Variants in FRAS1 observed in about 807,000 individuals in gnomAD.
The protein encoded by FRAS1 is Fraser extracellular matrix complex subunit 1.
A neutral mutation model predicts 435.2 loss-of-function variants in FRAS1; 290 were observed. That is an observed-to-expected ratio of 0.67 (90% CI 0.61 to 0.73). The LOEUF is 0.73. Among genes scored for constraint, FRAS1 ranks in the 30% least tolerant of loss-of-function variants. The probability of loss-of-function intolerance (pLI) is 0.00; values close to 1 mark genes in which losing one functional copy is unlikely to be tolerated. For missense variants in FRAS1, 4,860 were observed against 5,001.5 expected (o/e 0.97, Z 0.85); for synonymous variants, 1,800 against 1,851.0 (o/e 0.97, Z 0.71).
intron 14 of FRAS1, among the ~76,000 whole-genome samples, chr4:78,291,020 C>T (rs948233776): frequency 1.3e-5 from 2 of 152,156 alleles, no homozygotes; most frequent in African/African-American, 4.8e-5. Flanking sequence ...CCCGCCTTGG[C>T]CTCCCAAAGT....
intron 29 of FRAS1, among the ~76,000 whole-genome samples, chr4:78,392,459 G>A (rs775386863): frequency 1.8e-4 from 28 of 151,978 alleles, no homozygotes; most frequent in Non-Finnish European, 3.5e-4. Flanking sequence ...CTTTAATTTT[G>A]GGGGGAAGTT....
In FRAS1 at chr4:78,507,469, G is replaced by A. The variant is rs1428477471; in HGVS notation, c.9365G>A (p.Arg3122Gln). The change falls in exon 62 of 74, where the codon CGG becomes CAG. Residue 3122 changes from arginine to glutamine, a missense_variant. Physicochemically the swap from Arg to Gln is conservative, Grantham distance 43 (BLOSUM62 1). Transcript: ENST00000512123. The stretch of plus-strand genomic sequence containing the variant: ...GTTGAGATCCTGTCCAATGAAGACC[G>A]GGAATGGCATGAATCTTTCTCACTA... ...FKVEILSNED[R>Q]EWHESFSLVL... 1.7e-5 allele frequency: 27 copies of A among 1,612,320 alleles called. No individual in the cohort carries two copies. Among genetic ancestry groups the A allele is most frequent in the South Asian group, 4.4e-5 (4 of 90,628 alleles).
rs1215168444 is a variant in FRAS1 at position 78,231,047 on chromosome 4, C to T, written c.109-6463C>T. Among the ~76,000 whole-genome samples the T allele has an allele frequency of 5.3e-5, 8 of 152,232 alleles. No individual in the cohort carries two copies. In the East Asian group the frequency reaches 5.8e-4, roughly 11 times the overall value. ...TCGGCTCACTGCAACCTCCGCCTCC[C>T]GGGTTCAAACGATTCTCCTGCCTCA... On this transcript the variant is annotated intron_variant, in intron 2 of 73. Coordinates refer to ENST00000512123, the MANE Select transcript of FRAS1 (RefSeq NM_025074.7).
At position 78,373,207 on chromosome 4, in the gene FRAS1, C is replaced by A. The variant is rs182062881; in HGVS notation, c.3010+349C>A. Among the ~76,000 whole-genome samples the A allele has an allele frequency of 2.2e-3, 336 of 152,050 alleles. 3 individuals are homozygous for A. The highest frequency in any genetic ancestry group is 7.3e-3 in the African/African-American group (301 of 41,478). On this transcript the variant is annotated intron_variant, in intron 24 of 73. Transcript: ENST00000512123. The stretch of plus-strand genomic sequence containing the variant: ...CTGGGCATTTGGGCACATAGGAAGA[C>A]CCGATTATTTCACTATCTGCCCCCT...
rs552370349 is a variant in FRAS1 at position 78,206,776 on chromosome 4, A to T, written c.109-30734A>T. The stretch of plus-strand genomic sequence containing the variant: ...AATTTTAGTTGAACCCATTTTATAG[A>T]TGACTTAACTGGGTGCAAAGTCTTG... On this transcript the variant is annotated intron_variant, in intron 2 of 73. Coordinates refer to ENST00000512123, the MANE Select transcript of FRAS1 (RefSeq NM_025074.7). Among the ~76,000 whole-genome samples, 240 of 152,308 alleles carry T rather than the reference A, an allele frequency of 1.6e-3. 1 individual carries two copies. The highest frequency in any genetic ancestry group is 5.6e-3 in the African/African-American group (234 of 41,558).
intron 2 of FRAS1, among the ~76,000 whole-genome samples, chr4:78,153,619 C>A (rs969240086): frequency 1.3e-5 from 2 of 152,076 alleles, no homozygotes; most frequent in African/African-American, 4.8e-5. Context: ...ATAAGGCTGT[C>A]CTCCTCCTCA....
At chr4:78,271,387 A>G (rs1726671843) in intron 9 of FRAS1, among the ~76,000 whole-genome samples, 1 of 152,134 alleles carries the variant, frequency 6.6e-6, no homozygotes, top group African/African-American at 2.4e-5. Context: ...ATATGTATAC[A>G]TGTGCCATGT....
intron 2 of FRAS1, among the ~76,000 whole-genome samples, chr4:78,103,695 A>AC (rs1005564961): frequency 9.9e-5 from 15 of 152,120 alleles, no homozygotes; most frequent in African/African-American, 3.4e-4. Flanking sequence ...GACCCAGCCA[A>AC]CCCCTTTCAC....
At chr4:78,112,542 T>A (rs1358578059) in intron 2 of FRAS1, among the ~76,000 whole-genome samples, 1 of 152,130 alleles carries the variant, frequency 6.6e-6, no homozygotes, top group East Asian at 1.9e-4. Context: ...ATGCAAATCA[T>A]TAATATTTTG....
At chr4:78,434,777 T>C (rs1734350909) in intron 38 of FRAS1, among the ~76,000 whole-genome samples, 1 of 152,094 alleles carries the variant, frequency 6.6e-6, no homozygotes, top group Admixed American at 6.5e-5. Context: ...AAAAAGATCT[T>C]ACCATAATAG....
intron 2 of FRAS1, chr4:78,181,324 G>T: frequency 1.2e-6 from 2 of 1,608,782 alleles, no homozygotes; most frequent in South Asian, 2.2e-5. Flanking sequence ...CAGGTGTTTC[G>T]TCAGTCACAT....
intron 2 of FRAS1, among the ~76,000 whole-genome samples, chr4:78,168,055 C>CAA (rs34469339): frequency 6.2e-5 from 9 of 146,326 alleles, no homozygotes; most frequent in African/African-American, 2.2e-4. Flanking sequence ...AGTACCAGTT[C>CAA]AAAAAAAAAA....
At chr4:78,334,266 T>G (rs1730071559) in intron 19 of FRAS1, among the ~76,000 whole-genome samples, 1 of 152,186 alleles carries the variant, frequency 6.6e-6, no homozygotes, top group African/African-American at 2.4e-5. Flanking sequence ...AGATTCCTTT[T>G]TGATCTACTT....
rs1207192178 is a variant in FRAS1, at chr4:78,387,515, C to A, written c.3789C>A (p.Gly1263=). The A allele has an allele frequency of 6.2e-7, 1 of 1,613,774 alleles. No homozygotes were observed. The highest frequency in any genetic ancestry group is 2.2e-5 in the East Asian group (1 of 44,864). ...VIEIIDPPLH[G]QLLQTLQSPA... ...AAATAATCGATCCTCCACTTCATGG[C>A]CAATTGCTTCAGACACTTCAGTCCC... The change falls in exon 29 of 74, where the codon GGC becomes GGA. Residue 1263 remains glycine, a synonymous_variant. Coordinates refer to ENST00000512123, the MANE Select transcript of FRAS1 (RefSeq NM_025074.7).
chr4:78,125,829 G>A (rs1407972421), intron 2 of FRAS1, among the ~76,000 whole-genome samples: 2 of 152,170 alleles, frequency 1.3e-5, no homozygotes, highest in African/African-American at 4.8e-5. Flanking sequence ...CAGGCTACAC[G>A]GTGGTCAGGG....
intron 7 of FRAS1, 71 bp from the exon 8 acceptor site, chr4:78,266,761 TTA>T: frequency 8.8e-7 from 1 of 1,138,102 alleles, no homozygotes; most frequent in Non-Finnish European, 1.3e-6. Context: ...ATTGGGTGTC[TTA>T]TGTGACAGTG....
rs1471754065 is a variant in FRAS1, at chr4:78,511,393, C to G, written c.9900C>G (p.Asp3300Glu). The G allele has an allele frequency of 6.2e-7, 1 of 1,613,946 alleles. No homozygotes were observed. Residue 3300 changes from aspartate (D) to glutamate (E), a missense_variant, in exon 64 of 74, where the codon GAC becomes GAG. Physicochemically the swap from Asp to Glu is conservative, Grantham distance 45. Transcript: ENST00000512123. The part of the protein sequence containing the change: ...LRSNIVTIGT[D>E]SAICHTPVVA... ...GCAACATTGTTACCATTGGAACAGA[C>G]AGTGCTATCTGCCACACACCAGTGG...
intron 33 of FRAS1, 24 bp from the exon 34 acceptor site, chr4:78,421,839 T>G (rs1379548829): frequency 6.2e-7 from 1 of 1,613,322 alleles, no homozygotes; most frequent in Non-Finnish European, 8.5e-7. Flanking sequence ...CTGTTGATGC[T>G]GAGGCCAAAT....
At chr4:78,383,826 AATT>A (rs1320668154) in intron 27 of FRAS1, among the ~76,000 whole-genome samples, 5 of 152,264 alleles carry the variant, frequency 3.3e-5, no homozygotes, top group East Asian at 1.9e-4. Flanking sequence ...ATGTTTACAT[AATT>A]ATTATTATTG....
Sources: gnomAD v4.1 joint callset for allele counts (sites outside exome capture counted in the v4.1 genomes callset) on GRCh38, gnomAD v4.1.1 for gene constraint, MANE v1.5 for transcripts, NCBI Gene and HGNC (gene_info 2026-07-23, HGNC 2026-07-21) for gene names.